Variants in ARL6IP6 observed in about 807,000 individuals in gnomAD.
ARL6IP6 encodes ARF like GTPase 6 interacting protein 6, also known as ADP-ribosylation factor-like protein 6-interacting protein 6.
ARL6IP6 carries 22 observed loss-of-function variants against 21.5 expected under a neutral mutation model. The ratio of observed to expected loss-of-function variants is 1.02; its 90% CI spans 0.73 to 1.46. The LOEUF (loss-of-function observed/expected upper bound fraction) is 1.46, where lower values mean the gene tolerates loss of function less well. Among genes scored for constraint, ARL6IP6 ranks in the 40% most tolerant of loss-of-function variants. ARL6IP6 has a pLI of 0.00. For missense variants in ARL6IP6, 388 were observed against 299.8 expected, an observed-to-expected ratio of 1.29 and a Z score of -2.17; for synonymous variants, 164 against 125.3, an observed-to-expected ratio of 1.31 and a Z score of -2.06.
chr2:152,756,517 AAG>A (rs1226759140), intron 3 of ARL6IP6, among the ~76,000 whole-genome samples: 1 of 152,300 alleles, frequency 6.6e-6, no homozygotes, highest in South Asian at 2.1e-4. Flanking sequence ...AGATCTTATT[AAG>A]AGAGTAAAAA....
At chr2:152,745,521 C>G (rs1701003851) in intron 3 of ARL6IP6, among the ~76,000 whole-genome samples, 1 of 152,118 alleles carries the variant, frequency 6.6e-6, no homozygotes. Flanking sequence ...AGTTAGTATT[C>G]AAATTAGAAA....
At chr2:152,718,237 C>G (rs907621842), upstream of ARL6IP6, 12 of 339,502 alleles carry the variant, frequency 3.5e-5, no homozygotes, top group Non-Finnish European at 4.8e-5. Flanking sequence ...GCGCTAGGAC[C>G]CGGCGTCGAA....
rs183628340 is a variant in ARL6IP6, at chr2:152,762,357, G to C, written c.*2517G>C. 6.6e-6 allele frequency among the ~76,000 whole-genome samples: 1 copy of C among 152,188 alleles called. No homozygotes were observed. Among genetic ancestry groups the C allele is most frequent in the African/African-American group, 2.4e-5 (1 of 41,440 alleles). ...GTGGCAATCCTGCCATTCTTGATAC[G>C]TGAGTCAATAAATTTCTGTCTTTTG... On this transcript the variant is annotated 3_prime_UTR_variant, in exon 4 of 4. Transcript: ENST00000326446.
Position 152,719,912 on chromosome 2 carries a change from C to T in ARL6IP6, c.401-621C>T, listed in dbSNP as rs144038938. On this transcript the variant is annotated intron_variant, in intron 1 of 3. Coordinates refer to ENST00000326446, the MANE Select transcript of ARL6IP6 (RefSeq NM_152522.7). The stretch of plus-strand genomic sequence containing the variant: ...TTGCTTCCCAGCGTTTAGTGGGCTA[C>T]AGATGGCATGGCATCTAAAACCTTA... The T allele has an allele frequency of 2.1e-4, 101 of 470,934 alleles. 2 individuals are homozygous for T. The East Asian group carries it at 6.2e-3, about 29-fold the overall frequency. 29.2% of individuals were successfully genotyped at this position (470,934 alleles called of 1,614,324 possible).
At chr2:152,729,015 G>A (rs1020543440) in intron 2 of ARL6IP6, among the ~76,000 whole-genome samples, 4 of 148,998 alleles carry the variant, frequency 2.7e-5, no homozygotes, top group African/African-American at 5.0e-5. Flanking sequence ...CCGAGATTGC[G>A]CCACTGCACT....
intron 3 of ARL6IP6, among the ~76,000 whole-genome samples, chr2:152,745,878 TA>T (rs1701018223): frequency 6.6e-6 from 1 of 152,164 alleles, no homozygotes; most frequent in Non-Finnish European, 1.5e-5. Context: ...GTGTAAGATA[TA>T]TTTCATTACT....
At chr2:152,732,000 A>G (rs186249286) in intron 2 of ARL6IP6, among the ~76,000 whole-genome samples, 380 of 152,138 alleles carry the variant, frequency 2.5e-3, no homozygotes, top group Non-Finnish European at 4.6e-3. Flanking sequence ...ATAGTATTCT[A>G]TTGTATGGAT....
chr2:152,754,881 G>T (rs1701505683), intron 3 of ARL6IP6, among the ~76,000 whole-genome samples: 1 of 152,032 alleles, frequency 6.6e-6, no homozygotes, highest in African/African-American at 2.4e-5. Context: ...TATGTGGGCG[G>T]CAAGCCACCC....
intron 3 of ARL6IP6, among the ~76,000 whole-genome samples, chr2:152,737,239 GT>G (rs764847403): frequency 2.0e-5 from 3 of 151,982 alleles, no homozygotes; most frequent in Non-Finnish European, 2.9e-5. Context: ...TACTCTTGCT[GT>G]TCTCTCTCCC....
chr2:152,744,878 T>C (rs181597570), intron 3 of ARL6IP6, among the ~76,000 whole-genome samples: 3 of 152,290 alleles, frequency 2.0e-5, no homozygotes, highest in Admixed American at 6.5e-5. Flanking sequence ...CAAAATAAAT[T>C]GTAAGTGAGA....
At chr2:152,725,351 C>A (rs530498836) in intron 2 of ARL6IP6, among the ~76,000 whole-genome samples, 1 of 152,114 alleles carries the variant, frequency 6.6e-6, no homozygotes, top group South Asian at 2.1e-4. Context: ...ATTAGGATTC[C>A]AGTAAGACTT....
chr2:152,758,120 C>T (rs1020084992), intron 3 of ARL6IP6, among the ~76,000 whole-genome samples: 1 of 152,128 alleles, frequency 6.6e-6, no homozygotes, highest in African/African-American at 2.4e-5. Flanking sequence ...CTTGAAGTCT[C>T]ATTCAAAAAT....
intron 2 of ARL6IP6, among the ~76,000 whole-genome samples, chr2:152,733,494 C>G (rs1454147987): frequency 2.0e-5 from 3 of 152,144 alleles, no homozygotes; most frequent in African/African-American, 7.2e-5. Context: ...AACTCTTGGC[C>G]TCAAGTAATC....
intron 3 of ARL6IP6, among the ~76,000 whole-genome samples, chr2:152,743,410 CAAAT>C (rs962568906): frequency 3.9e-5 from 6 of 152,124 alleles, no homozygotes; most frequent in Admixed American, 3.9e-4. Flanking sequence ...AGCATATACT[CAAAT>C]AACCTTCACA....
At position 152,718,946 on chromosome 2, in the gene ARL6IP6, G is replaced by A. The variant is rs770674510; in HGVS notation, c.322G>A (p.Val108Ile). ...CCAGCCTCGGCGGTGGCCGGTCCAGGTCCTCTCTATTCTCTGCTCGCTGCT... is the reference window on the plus strand; with the variant it reads ...CCAGCCTCGGCGGTGGCCGGTCCAGATCCTCTCTATTCTCTGCTCGCTGCT... Reference protein sequence around the residue: ...RAQPRRWPVQVLSILCSLLFA... With the variant: ...RAQPRRWPVQILSILCSLLFA... Residue 108 changes from valine (V) to isoleucine (I), a missense_variant, in exon 1 of 4, where the codon GTC becomes ATC. Transcript: ENST00000326446. 1 of 1,613,124 alleles carries A rather than the reference G, an allele frequency of 6.2e-7. No homozygotes were observed. The highest frequency in any genetic ancestry group is 1.3e-5 in the African/African-American group (1 of 74,896).
chr2:152,756,742 C>T (rs1473879092), intron 3 of ARL6IP6, among the ~76,000 whole-genome samples: 1 of 152,098 alleles, frequency 6.6e-6, no homozygotes, highest in East Asian at 1.9e-4. Flanking sequence ...TGCAGACCTA[C>T]TAAAATGGTT....
intron 3 of ARL6IP6, among the ~76,000 whole-genome samples, chr2:152,750,459 G>A (rs1701271958): frequency 7.0e-6 from 1 of 143,732 alleles, no homozygotes; most frequent in African/African-American, 2.6e-5. Context: ...CCAGGTGACA[G>A]AGCAAGACTC....
intron 3 of ARL6IP6, among the ~76,000 whole-genome samples, chr2:152,743,464 G>C (rs934352124): frequency 2.0e-5 from 3 of 152,116 alleles, no homozygotes; most frequent in Non-Finnish European, 2.9e-5. Flanking sequence ...ACAACCTGGG[G>C]ATTCCAAAAT....
chr2:152,735,667 C>CAGT (rs1700517809), intron 3 of ARL6IP6, among the ~76,000 whole-genome samples: 1 of 152,086 alleles, frequency 6.6e-6, no homozygotes, highest in Admixed American at 6.5e-5. Flanking sequence ...TTAGAAAATT[C>CAGT]AGTAGTGTTC....
Sources: gnomAD v4.1 joint callset for allele counts (sites outside exome capture counted in the v4.1 genomes callset) on GRCh38, gnomAD v4.1.1 for gene constraint, MANE v1.5 for transcripts, NCBI Gene and HGNC (gene_info 2026-07-23, HGNC 2026-07-21) for gene names.